Variants in KCNQ1 observed in about 807,000 individuals in gnomAD.
The protein encoded by KCNQ1 is potassium voltage-gated channel subfamily Q member 1.
In KCNQ1, 49 loss-of-function variants were observed where a neutral mutation model predicts 72.4. That is an observed-to-expected ratio of 0.68 (90% CI 0.54 to 0.86). The LOEUF is 0.86. Ranked by LOEUF, KCNQ1 falls within the 40% of genes least tolerant of loss-of-function variation. The pLI is 0.00. For synonymous variants in KCNQ1, 450 were observed against 412.6 expected, an observed-to-expected ratio of 1.09 and a Z score of -1.10; for missense variants, 790 against 945.1, an observed-to-expected ratio of 0.84 and a Z score of 2.15.
rs1304270268 is a variant in KCNQ1 at position 2,497,962 on chromosome 11, C to T, written c.387-29966C>T. 1.3e-5 allele frequency among the ~76,000 whole-genome samples: 2 copies of T among 152,156 alleles called. No individual in the cohort carries two copies. The highest frequency in any genetic ancestry group is 2.4e-5 in the African/African-American group (1 of 41,438). On this transcript the variant is annotated intron_variant, in intron 1 of 15. Coordinates refer to ENST00000155840, the MANE Select transcript of KCNQ1 (RefSeq NM_000218.3). This position sits in a 1 kb window ranked among gnomAD's most constrained non-coding sequence, Gnocchi z 4.5. ...AGGTCTGCTGCAGTTTGCTGGAGGT[C>T]CACTCCAGACCCTGTTTGCCTGGGT...
Position 2,566,382 on chromosome 11 carries a change from C to T in KCNQ1, c.478-4246C>T, listed in dbSNP as rs148333659. Among the ~76,000 whole-genome samples the T allele has an allele frequency of 7.2e-5, 11 of 152,332 alleles. No individual in the cohort carries two copies. Among genetic ancestry groups the T allele is most frequent in the Non-Finnish European group, 8.8e-5 (6 of 68,028 alleles). On this transcript the variant is annotated intron_variant, in intron 2 of 15. Transcript: ENST00000155840. The surrounding 1 kb of genome is among the most constrained non-coding windows in gnomAD (Gnocchi z 6.7). ...ACACCCGAGGACACCTGTACCTTGT[C>T]CCGGGGCGGGGCTCTCTCTGCCATG...
In KCNQ1 at chr11:2,670,422, G is replaced by T. The variant is rs1850162339; in HGVS notation, c.1514+8341G>T. 1 of 398,150 alleles carries T rather than the reference G, an allele frequency of 2.5e-6. No individual in the cohort carries two copies. Among genetic ancestry groups the T allele is most frequent in the Non-Finnish European group, 4.4e-6 (1 of 225,990 alleles). The allele number at this position is 398,150 out of a possible 1,614,324, so 24.7% of individuals were successfully genotyped here. On this transcript the variant is annotated intron_variant, in intron 11 of 15. Coordinates refer to ENST00000155840, the MANE Select transcript of KCNQ1 (RefSeq NM_000218.3). The surrounding 1 kb of genome is among the most constrained non-coding windows in gnomAD (Gnocchi z 4.9). ...TACTATGTGTATTTCTTGTGTTGGG[G>T]TTAGGAGATACTGCTGTTGGCTGAG...
rs549250199 is a variant in KCNQ1, at chr11:2,538,088, G to A, written c.477+10070G>A. Among the ~76,000 whole-genome samples, 3 of 152,290 alleles carry A rather than the reference G, an allele frequency of 2.0e-5. No individual in the cohort carries two copies. Among genetic ancestry groups the A allele is most frequent in the African/African-American group, 7.2e-5 (3 of 41,558 alleles). ...ATGACCGTTTCTCCGTATAAAGCCC[G>A]TGTATATCCTCTGGAATGAGGACCT... On this transcript the variant is annotated intron_variant, in intron 2 of 15. Coordinates refer to ENST00000155840, the MANE Select transcript of KCNQ1 (RefSeq NM_000218.3). This position sits in a 1 kb window ranked among gnomAD's most constrained non-coding sequence, Gnocchi z 6.7.
At chr11:2,686,401 T>C (rs1239459920) in intron 11 of KCNQ1, 2 of 398,552 alleles carry the variant, frequency 5.0e-6, no homozygotes, top group Non-Finnish European at 8.8e-6. Flanking sequence ...AACCCCTGAC[T>C]AGGATATTGT....
chr11:2,711,740 T>C lies in KCNQ1; in HGVS notation c.1514+49659T>C, dbSNP rs758705556. Reference sequence around the variant, plus strand: ...GCTTTACCACCAGGGAAATAGAACTTTGGCAGCTTACAAAGGAGTTTTATT... The same window carrying C: ...GCTTTACCACCAGGGAAATAGAACTCTGGCAGCTTACAAAGGAGTTTTATT... On this transcript the variant is annotated intron_variant, in intron 11 of 15. Transcript: ENST00000155840. This position sits in a 1 kb window ranked among gnomAD's most constrained non-coding sequence, Gnocchi z 5.4. Among the ~76,000 whole-genome samples the C allele has an allele frequency of 6.6e-6, 1 of 152,240 alleles. No individual in the cohort carries two copies. Among genetic ancestry groups the C allele is most frequent in the Non-Finnish European group, 1.5e-5 (1 of 68,038 alleles).
At chr11:2,649,935 G>T (rs1472417137) in intron 10 of KCNQ1, 2 of 398,256 alleles carry the variant, frequency 5.0e-6, no homozygotes, top group African/African-American at 4.1e-5. Context: ...GTGAAATATT[G>T]TTAGCTTAAT....
intron 11 of KCNQ1, among the ~76,000 whole-genome samples, chr11:2,702,443 C>A (rs1288779864): frequency 6.6e-6 from 1 of 152,184 alleles, no homozygotes; most frequent in Non-Finnish European, 1.5e-5. Context: ...GGTGTCCACC[C>A]TCCTACTAAA....
intron 11 of KCNQ1, chr11:2,685,191 G>A (rs983014388): frequency 2.8e-5 from 11 of 398,510 alleles, no homozygotes; most frequent in African/African-American, 8.2e-5. Context: ...TGCCCCCTTC[G>A]TGGGGATGGC....
Position 2,642,420 on chromosome 11 carries a change from A to G in KCNQ1, c.1394-19541A>G, listed in dbSNP as rs138068250. 9 of 398,164 alleles carry G rather than the reference A, an allele frequency of 2.3e-5. No individual in the cohort carries two copies. Among genetic ancestry groups the G allele is most frequent in the East Asian group, 2.1e-4 (6 of 27,974 alleles). 24.7% of individuals were successfully genotyped at this position (398,164 alleles called of 1,614,324 possible). On this transcript the variant is annotated intron_variant, in intron 10 of 15. Coordinates refer to ENST00000155840, the MANE Select transcript of KCNQ1 (RefSeq NM_000218.3). The surrounding 1 kb of genome is among the most constrained non-coding windows in gnomAD (Gnocchi z 4.3). ...TTCTCAGCTGGTTCTTTATTGGTATATAGAAATAAGCCTGATTTTTAAATC... is the reference window on the plus strand; with the variant it reads ...TTCTCAGCTGGTTCTTTATTGGTATGTAGAAATAAGCCTGATTTTTAAATC...
At chr11:2,789,420 T>A (rs1049432482) in intron 15 of KCNQ1, among the ~76,000 whole-genome samples, 2 of 152,222 alleles carry the variant, frequency 1.3e-5, no homozygotes, top group African/African-American at 4.8e-5. Flanking sequence ...CAAAGCCATC[T>A]GTTTGTCCAT....
chr11:2,832,829 T>G (rs1473074610), intron 15 of KCNQ1, among the ~76,000 whole-genome samples: 2 of 151,594 alleles, frequency 1.3e-5, no homozygotes, highest in Non-Finnish European at 2.9e-5. Context: ...AACTGTAGGG[T>G]GTGGGGAAGG....
intron 2 of KCNQ1, among the ~76,000 whole-genome samples, chr11:2,557,235 G>A (rs1848085812): frequency 1.3e-5 from 2 of 152,180 alleles, no homozygotes; most frequent in South Asian, 4.1e-4. Context: ...ATGAGATCAG[G>A]CACTATTAGA....
chr11:2,717,099 C>T (rs931067574), intron 11 of KCNQ1, among the ~76,000 whole-genome samples: 3 of 152,184 alleles, frequency 2.0e-5, no homozygotes, highest in Non-Finnish European at 4.4e-5. Context: ...GGGCTCTGCT[C>T]AGGGACCCAG....
At position 2,528,104 on chromosome 11, in the gene KCNQ1, G is replaced by A. The variant is rs879222660; in HGVS notation, c.477+86G>A. ...TGGCGCTGGGCCCCATAAGGTGGGG[G>A]GCAGAGCCACTCCCAGCCCCTTGCC... On this transcript the variant is annotated intron_variant, in intron 2 of 15. Coordinates refer to ENST00000155840, the MANE Select transcript of KCNQ1 (RefSeq NM_000218.3). 4.8e-4 allele frequency: 352 copies of A among 736,046 alleles called. 1 individual carries two copies. Among genetic ancestry groups the A allele is most frequent in the Non-Finnish European group, 7.6e-4 (339 of 446,306 alleles). 45.6% of individuals were successfully genotyped at this position (736,046 alleles called of 1,614,324 possible). A position where few individuals can be genotyped will look rare whatever the true frequency, so the allele number is the denominator to read the frequency against.
intron 1 of KCNQ1, chr11:2,461,428 G>T (rs1420978964): frequency 4.7e-6 from 6 of 1,281,416 alleles, no homozygotes; most frequent in Non-Finnish European, 6.1e-6. Context: ...CCGGGGCGGG[G>T]GTGGCCCCTC....
chr11:2,579,782 C>T lies in KCNQ1; in HGVS notation c.922-3653C>T, dbSNP rs1343575389. 6.6e-6 allele frequency among the ~76,000 whole-genome samples: 1 copy of T among 152,150 alleles called. No individual in the cohort carries two copies. The highest frequency in any genetic ancestry group is 2.4e-5 in the African/African-American group (1 of 41,434). On this transcript the variant is annotated intron_variant, in intron 6 of 15. Transcript: ENST00000155840. This position sits in a 1 kb window ranked among gnomAD's most constrained non-coding sequence, Gnocchi z 6.0. ...GCCTTCTACTGACCACCCAGCCAGC[C>T]AGCAGGAGCCCACGTGCACCCAGCT...
In KCNQ1 at chr11:2,602,209, A is replaced by T. The variant is rs1350658597; in HGVS notation, c.1393+13355A>T. On this transcript the variant is annotated intron_variant, in intron 10 of 15. Coordinates refer to ENST00000155840, the MANE Select transcript of KCNQ1 (RefSeq NM_000218.3). The surrounding 1 kb of genome is among the most constrained non-coding windows in gnomAD (Gnocchi z 4.8). ...TCCCCTGAAGCCTCCAGAAGGAACC[A>T]GCCCTGCTGACACCTTGATTTTTCG... Among the ~76,000 whole-genome samples, 2 of 152,086 alleles carry T rather than the reference A, an allele frequency of 1.3e-5. No homozygotes were observed. Among genetic ancestry groups the T allele is most frequent in the Non-Finnish European group, 2.9e-5 (2 of 68,028 alleles).
chr11:2,740,446 G>A (rs930113841), intron 11 of KCNQ1, among the ~76,000 whole-genome samples: 9 of 152,214 alleles, frequency 5.9e-5, no homozygotes, highest in Non-Finnish European at 1.5e-5. Flanking sequence ...GTGACAGATG[G>A]GGCGAGGGAC....
At position 2,471,758 on chromosome 11, in the gene KCNQ1, TTG is replaced by T. The variant is rs1846469056; in HGVS notation, c.386+26278_386+26279del. ...TATGTGTGCATGGGCGTGTGTGTAC[TTG>T]TGTATGGGTGTGTGCATGTGATTGG... On this transcript the variant is annotated intron_variant, in intron 1 of 15. Coordinates refer to ENST00000155840, the MANE Select transcript of KCNQ1 (RefSeq NM_000218.3). The surrounding 1 kb of genome is among the most constrained non-coding windows in gnomAD (Gnocchi z 4.8). 6.9e-6 allele frequency among the ~76,000 whole-genome samples: 1 copy of T among 144,418 alleles called. No individual in the cohort carries two copies. Among genetic ancestry groups the T allele is most frequent in the Admixed American group, 6.9e-5 (1 of 14,458 alleles). The allele number at this position is 144,418 out of a possible 152,430, so 94.7% of individuals were successfully genotyped here.
Sources: allele counts gnomAD v4.1 joint callset (sites outside exome capture counted in the v4.1 genomes callset), GRCh38; gene constraint gnomAD v4.1.1; non-coding constraint Gnocchi (gnomAD v3.1); transcripts MANE v1.5; gene names NCBI Gene and HGNC (gene_info 2026-07-23, HGNC 2026-07-21).